NECAB2: variants seen among roughly 807,000 people sequenced by gnomAD.
The protein encoded by NECAB2 is N-terminal EF-hand calcium binding protein 2, also known as N-terminal EF-hand calcium-binding protein 2.
NECAB2 carries 68 observed loss-of-function variants against 51.9 expected under a neutral mutation model. The observed-to-expected ratio is 1.31, with a 90% CI of 1.08 to 1.60. NECAB2 has a LOEUF of 1.60. Among genes scored for constraint, NECAB2 ranks in the 40% most tolerant of loss-of-function variants. NECAB2 has a pLI of 0.00. For missense variants in NECAB2, 854 were observed against 490.3 expected, an observed-to-expected ratio of 1.74 and a Z score of -7.00; for synonymous variants, 329 against 203.5, an observed-to-expected ratio of 1.62 and a Z score of -5.25.
chr16:83,965,705 C>T (rs1390423609), upstream of NECAB2: 23 of 1,613,560 alleles, frequency 1.4e-5, no homozygotes, highest in Admixed American at 3.7e-4. Context: ...GGCCGTGTTC[C>T]AGGACCTCGA....
In NECAB2 at chr16:83,994,409, C is replaced by G. The variant is rs2292324; in HGVS notation, c.704C>G (p.Thr235Ser). 195,262 of 1,613,676 alleles carry G rather than the reference C, an allele frequency of 0.12. 16,666 individuals carry two copies. Among genetic ancestry groups the G allele is most frequent in the African/African-American group, 0.45 (33,678 of 74,920 alleles). The change falls in exon 7 of 13, where the codon ACC becomes AGC. Residue 235 changes from threonine (T) to serine (S), a missense_variant. Thr to Ser is a moderately conservative substitution (Grantham distance 58, BLOSUM62 1). Coordinates refer to ENST00000305202, the MANE Select transcript of NECAB2 (RefSeq NM_019065.3). ...CTCATGGCTATGGAACAAGGCAAGA[C>G]CCTTCCATCTGGTGAGAGAAAGCGG... is the stretch of plus-strand genomic sequence containing the variant. The part of the protein sequence containing the change: ...HKLMAMEQGK[T>S]LPSATEDAKE...
chr16:83,998,267 C>T lies in NECAB2; in HGVS notation c.912C>T (p.Asp304=), dbSNP rs148068586. Residue 304 remains aspartate, a synonymous_variant, in exon 10 of 13, where the codon GAC becomes GAT. Transcript: ENST00000305202. ...VCPEQLSEFL[D]SLRQYLRGTT... ...CCGAGCAACTGAGCGAGTTTCTGGA[C>T]TCTCTGCGCCAGTATCTGCGGGGGA... The T allele has an allele frequency of 6.2e-6, 10 of 1,612,916 alleles. No homozygotes were observed. The East Asian group carries it at 6.7e-5, about 11-fold the overall frequency.
intron 6 of NECAB2, among the ~76,000 whole-genome samples, chr16:83,991,373 T>C (rs553778569): frequency 1.0e-4 from 15 of 147,674 alleles, no homozygotes; most frequent in East Asian, 1.9e-4. Flanking sequence ...CTTTTCTTTT[T>C]TTTTTTTTTT....
At chr16:83,992,395 T>C (rs945996050) in intron 6 of NECAB2, among the ~76,000 whole-genome samples, 2 of 99,638 alleles carry the variant, frequency 2.0e-5, no homozygotes, top group African/African-American at 1.5e-4. Context: ...CCCACCTCCA[T>C]TTGCTGTTTC....
chr16:83,986,615 T>C (rs1182632759), intron 5 of NECAB2, among the ~76,000 whole-genome samples: 1 of 151,872 alleles, frequency 6.6e-6, no homozygotes, highest in Non-Finnish European at 1.5e-5. Flanking sequence ...CAGACCCAAG[T>C]GATCTTCCCA....
chr16:83,972,131 T>G lies in NECAB2; in HGVS notation c.202-20T>G, dbSNP rs1042879152. 1 of 1,613,066 alleles carries G rather than the reference T, an allele frequency of 6.2e-7. No homozygotes were observed. ...TGCCTCTCCCTGGCCCAGGGCTGAC[T>G]CCGCCTCTCTTTTCTGCAGATTTTC... On this transcript the variant is annotated intron_variant, in intron 1 of 12. Transcript: ENST00000305202.
chr16:83,982,024 A>G (rs2151089914), intron 5 of NECAB2, among the ~76,000 whole-genome samples: 1 of 152,312 alleles, frequency 6.6e-6, no homozygotes, highest in African/African-American at 2.4e-5. Flanking sequence ...CATCTGTGAA[A>G]TGGAGACATC....
At chr16:83,988,494 C>T (rs887602080) in intron 5 of NECAB2, among the ~76,000 whole-genome samples, 5 of 152,038 alleles carry the variant, frequency 3.3e-5, no homozygotes, top group African/African-American at 1.2e-4. Flanking sequence ...TTGACTAAAT[C>T]CAATATAGTT....
At chr16:84,002,117 C>A (rs1247419595) in intron 12 of NECAB2, among the ~76,000 whole-genome samples, 1 of 152,176 alleles carries the variant, frequency 6.6e-6, no homozygotes, top group Admixed American at 6.5e-5. Flanking sequence ...ACCAGAGCAC[C>A]CCCTCCACGG....
At chr16:83,990,374 CCCTT>C in intron 5 of NECAB2, 116 bp from the exon 6 acceptor site, 1 of 1,345,122 alleles carries the variant, frequency 7.4e-7, no homozygotes, top group Non-Finnish European at 1.0e-6. Flanking sequence ...GTGGGGTCCT[CCCTT>C]CCCTTTGCAA....
At position 83,972,169 on chromosome 16, in the gene NECAB2, A is replaced by G; in HGVS notation, c.220A>G (p.Lys74Glu). 6.2e-7 allele frequency: 1 copy of G among 1,613,502 alleles called. No individual in the cohort carries two copies. Among genetic ancestry groups the G allele is most frequent in the Non-Finnish European group, 8.5e-7 (1 of 1,180,022 alleles). The change falls in exon 2 of 13, where the codon AAA becomes GAA. Residue 74 changes from lysine to glutamate, a missense_variant. Transcript: ENST00000305202. ...TCTGCAGATTTTCCGCCGTGCGGACAAAAATGGTGAGTTTCCCTTCCAGGC... is the reference window on the plus strand; with the variant it reads ...TCTGCAGATTTTCCGCCGTGCGGACGAAAATGGTGAGTTTCCCTTCCAGGC... The part of the protein sequence containing the change: ...VILDIFRRAD[K>E]NDDGKLSLEE...
intron 5 of NECAB2, 134 bp from the exon 6 acceptor site, chr16:83,990,360 G>A (rs1490275293): frequency 2.1e-5 from 24 of 1,133,496 alleles, no homozygotes; most frequent in Non-Finnish European, 2.7e-5. Context: ...GACCCCAGGA[G>A]GCCGTGGGGT....
At position 83,999,899 on chromosome 16, in the gene NECAB2, G is replaced by A. The variant is rs368620368; in HGVS notation, c.963-825G>A. On this transcript the variant is annotated intron_variant, in intron 10 of 12. Transcript: ENST00000305202. ...GTTTTTTGATTTTTAAAGGTTTTTT[G>A]AGACCAAATCTTGCTTTATTGTCCA... 4.2e-3 allele frequency among the ~76,000 whole-genome samples: 574 copies of A among 137,700 alleles called. 2 individuals are homozygous for A. Among genetic ancestry groups the A allele is most frequent in the African/African-American group, 0.019 (547 of 28,120 alleles). 90.3% of individuals were successfully genotyped at this position (137,700 alleles called of 152,430 possible).
Position 84,000,785 on chromosome 16 carries a change from G to A in NECAB2, c.1024G>A (p.Glu342Lys). The A allele has an allele frequency of 3.1e-6, 5 of 1,613,742 alleles. No individual in the cohort carries two copies. The highest frequency in any genetic ancestry group is 4.5e-5 in the East Asian group (2 of 44,878). ...TFVIYEFWETEEAWKRHLQSP... is the reference protein window; with the variant it reads ...TFVIYEFWETKEAWKRHLQSP... ...TGTCATCTATGAGTTCTGGGAGACA[G>A]AGGAGGCGTGGAAGAGGTGAGATGC... The change falls in exon 11 of 13, where the codon GAG becomes AAG. Residue 342 changes from glutamate (E) to lysine (K), a missense_variant. Transcript: ENST00000305202.
chr16:83,984,244 C>G (rs2084524334), intron 5 of NECAB2, among the ~76,000 whole-genome samples: 1 of 151,818 alleles, frequency 6.6e-6, no homozygotes, highest in Admixed American at 6.6e-5. Flanking sequence ...ATCTGTCCTC[C>G]TCGGCCTCCC....
intron 6 of NECAB2, among the ~76,000 whole-genome samples, chr16:83,991,016 C>T (rs113610728): frequency 0.027 from 4,040 of 152,190 alleles, 153 homozygotes; most frequent in African/African-American, 0.091. Context: ...CAAAAAGTGT[C>T]GCTCTGTCGC....
chr16:83,994,101 C>A (rs1381302623), intron 6 of NECAB2, among the ~76,000 whole-genome samples: 2 of 152,212 alleles, frequency 1.3e-5, no homozygotes, highest in African/African-American at 4.8e-5. Flanking sequence ...CCAGCTCTGC[C>A]CAGCTAGCTG....
intron 10 of NECAB2, 122 bp downstream of exon 10, chr16:83,998,439 G>C: frequency 2.3e-6 from 2 of 880,072 alleles, no homozygotes; most frequent in Non-Finnish European, 3.5e-6. Flanking sequence ...GACACACACA[G>C]CTGGATGCGT....
At chr16:84,000,066 T>A (rs867496635) in intron 10 of NECAB2, among the ~76,000 whole-genome samples, 10,139 of 151,934 alleles carry the variant, frequency 0.067, 1,069 homozygotes, top group African/African-American at 0.23. Context: ...TTATTTTTTT[T>A]TTTTTTAAAG....
Sources: gnomAD v4.1 joint callset for allele counts (sites outside exome capture counted in the v4.1 genomes callset) on GRCh38, gnomAD v4.1.1 for gene constraint, MANE v1.5 for transcripts, NCBI Gene and HGNC (gene_info 2026-07-23, HGNC 2026-07-21) for gene names.